Variants in DOCK2 observed in about 807,000 individuals in gnomAD.
The protein encoded by DOCK2 is dedicator of cytokinesis 2, also known as dedicator of cytokinesis protein 2.
DOCK2 carries 87 observed loss-of-function variants against 248.9 expected under a neutral mutation model. The observed-to-expected ratio is 0.35, with a 90% CI of 0.29 to 0.42. The LOEUF (loss-of-function observed/expected upper bound fraction) is 0.42, where lower values mean the gene tolerates loss of function less well. Among genes scored for constraint, DOCK2 ranks in the 10% least tolerant of loss-of-function variants. DOCK2 has a pLI of 1.00. For synonymous variants in DOCK2, 805 were observed against 821.6 expected (o/e 0.98, Z 0.35); for missense variants, 1,747 against 2,300.2 (o/e 0.76, Z 4.92).
intron 27 of DOCK2, among the ~76,000 whole-genome samples, chr5:169,865,393 T>A (rs1771483697): frequency 6.6e-6 from 1 of 152,164 alleles, no homozygotes; most frequent in South Asian, 2.1e-4. Context: ...TCTGCATGTC[T>A]GGAAGTCAGG....
chr5:169,695,941 A>G lies in DOCK2; in HGVS notation c.979+3A>G. ...GAGGAGGCCCTTTGGGGTGGCAGGT[A>G]AGGGGCACACTCTGCATCATTGATT... On this transcript the variant is annotated splice_donor_region_variant and intron_variant, in intron 10 of 51. Coordinates refer to ENST00000520908, the MANE Select transcript of DOCK2 (RefSeq NM_004946.3). 6.3e-7 allele frequency: 1 copy of G among 1,598,350 alleles called. No homozygotes were observed. Among genetic ancestry groups the G allele is most frequent in the Non-Finnish European group, 8.5e-7 (1 of 1,172,752 alleles).
intron 27 of DOCK2, among the ~76,000 whole-genome samples, chr5:169,959,043 A>G (rs980932867): frequency 2.6e-5 from 4 of 152,202 alleles, no homozygotes; most frequent in South Asian, 2.1e-4. Context: ...CAGAAACAAC[A>G]TATGAAAATG....
chr5:169,789,890 G>GT (rs146904912), intron 25 of DOCK2, among the ~76,000 whole-genome samples: 13,046 of 152,182 alleles, frequency 0.086, 719 homozygotes, highest in Non-Finnish European at 0.12. Context: ...AATGGCTGTG[G>GT]TTTTTTCCTT....
intron 2 of DOCK2, among the ~76,000 whole-genome samples, chr5:169,660,890 C>T (rs1164978811): frequency 6.6e-5 from 10 of 151,900 alleles, no homozygotes; most frequent in East Asian, 1.9e-4. Flanking sequence ...GAGGCTCAGA[C>T]GTCAGTAAAC....
intron 25 of DOCK2, among the ~76,000 whole-genome samples, chr5:169,789,831 G>A (rs1016052129): frequency 1.3e-5 from 2 of 152,188 alleles, no homozygotes; most frequent in Non-Finnish European, 2.9e-5. Flanking sequence ...AAGAAAACCA[G>A]GCCAGCGGAT....
At position 169,658,846 on chromosome 5, in the gene DOCK2, A is replaced by C. The variant is rs974579102; in HGVS notation, c.127+4360A>C. The stretch of plus-strand genomic sequence containing the variant: ...GATCCCTTGAGCCCAGGAGTTTAAG[A>C]CTAACAAGACTCCATCTCTGAAAAA... On this transcript the variant is annotated intron_variant, in intron 2 of 51. Transcript: ENST00000520908. Among the ~76,000 whole-genome samples the C allele has an allele frequency of 2.6e-5, 4 of 151,860 alleles. 1 individual carries two copies. Among genetic ancestry groups the C allele is most frequent in the Non-Finnish European group, 4.4e-5 (3 of 67,964 alleles).
At chr5:169,949,505 G>A (rs376569884) in intron 27 of DOCK2, among the ~76,000 whole-genome samples, 1 of 151,972 alleles carries the variant, frequency 6.6e-6, no homozygotes, top group African/African-American at 2.4e-5. Context: ...TGTAAAAGTA[G>A]CTGGAGCCTG....
intron 8 of DOCK2, among the ~76,000 whole-genome samples, chr5:169,686,208 A>G (rs1561599292): frequency 6.6e-6 from 1 of 152,306 alleles, no homozygotes; most frequent in East Asian, 1.9e-4. Flanking sequence ...GGAGCCTTAG[A>G]AGCAACCGAG....
At chr5:169,682,841 C>A (rs1050089049) in intron 7 of DOCK2, among the ~76,000 whole-genome samples, 2 of 152,174 alleles carry the variant, frequency 1.3e-5, no homozygotes, top group Non-Finnish European at 2.9e-5. Flanking sequence ...CCCTAATTTC[C>A]TGTCACTGTA....
chr5:169,793,603 C>G (rs1388307120), intron 25 of DOCK2, among the ~76,000 whole-genome samples: 3 of 152,096 alleles, frequency 2.0e-5, no homozygotes, highest in Admixed American at 6.5e-5. Context: ...TACAGAAAGC[C>G]TCCTCAGTGT....
chr5:169,777,371 G>T (rs1405361505), intron 25 of DOCK2, among the ~76,000 whole-genome samples: 2 of 152,152 alleles, frequency 1.3e-5, no homozygotes, highest in African/African-American at 4.8e-5. Flanking sequence ...ACTTAAATGC[G>T]ACCACACTGA....
intron 39 of DOCK2, 113 bp from the exon 40 acceptor site, chr5:170,047,397 C>T: frequency 2.5e-6 from 2 of 792,692 alleles, no homozygotes; most frequent in Admixed American, 2.4e-5. Flanking sequence ...TAAATATGTG[C>T]ACATGGCTCA....
chr5:169,674,193 G>A (rs1759199276), intron 5 of DOCK2, 104 bp from the exon 6 acceptor site: 1 of 1,424,912 alleles, frequency 7.0e-7, no homozygotes, highest in Admixed American at 2.1e-5. Context: ...GAGAGCCTCA[G>A]GCCATGGCCC....
At chr5:169,958,751 G>C (rs1776963205) in intron 27 of DOCK2, among the ~76,000 whole-genome samples, 1 of 152,134 alleles carries the variant, frequency 6.6e-6, no homozygotes, top group Admixed American at 6.5e-5. Flanking sequence ...GCAATAGAGG[G>C]CATTCAGGCA....
At chr5:169,866,728 A>G (rs979364225) in intron 27 of DOCK2, among the ~76,000 whole-genome samples, 7 of 152,228 alleles carry the variant, frequency 4.6e-5, no homozygotes, top group Admixed American at 3.3e-4. Context: ...GCAGACTCAC[A>G]TACTGACTGT....
At chr5:169,930,895 A>T (rs750218726) in intron 27 of DOCK2, among the ~76,000 whole-genome samples, 3 of 152,194 alleles carry the variant, frequency 2.0e-5, no homozygotes, top group Non-Finnish European at 2.9e-5. Flanking sequence ...ACACATAAAT[A>T]CAATAAAGGA....
intron 25 of DOCK2, among the ~76,000 whole-genome samples, chr5:169,799,529 G>A (rs1766842828): frequency 6.6e-6 from 1 of 152,096 alleles, no homozygotes; most frequent in Non-Finnish European, 1.5e-5. Flanking sequence ...TCCTTTTGAA[G>A]ATAACTTTTA....
intron 25 of DOCK2, among the ~76,000 whole-genome samples, chr5:169,794,603 A>G (rs1766536876): frequency 6.6e-6 from 1 of 152,146 alleles, no homozygotes; most frequent in Admixed American, 6.5e-5. Context: ...ACTTTTTGGG[A>G]TACAAACATA....
chr5:169,726,770 C>T (rs1458119469), intron 22 of DOCK2, among the ~76,000 whole-genome samples: 1 of 152,100 alleles, frequency 6.6e-6, no homozygotes, highest in East Asian at 1.9e-4. Context: ...ATCACAGTTG[C>T]CTGGGATAAG....
Sources: gnomAD v4.1 joint callset for allele counts (sites outside exome capture counted in the v4.1 genomes callset) on GRCh38, gnomAD v4.1.1 for gene constraint, MANE v1.5 for transcripts, NCBI Gene and HGNC (gene_info 2026-07-23, HGNC 2026-07-21) for gene names.